NSMF: variants seen among roughly 807,000 people sequenced by gnomAD.
NSMF encodes nasal embryonic LHRH factor.
A neutral mutation model predicts 71.0 loss-of-function variants in NSMF; 31 were observed. The ratio of observed to expected loss-of-function variants is 0.44; its 90% CI spans 0.33 to 0.59. NSMF has a LOEUF of 0.59. NSMF is among the 20% of genes least tolerant of loss of function. The pLI is 0.04. For synonymous variants in NSMF, 345 were observed against 287.1 expected (o/e 1.20, Z -2.04); for missense variants, 673 against 740.5 (o/e 0.91, Z 1.06).
intron 13 of NSMF, 51 bp downstream of exon 13, chr9:137,450,125 C>T (rs766881455): frequency 1.1e-5 from 18 of 1,590,312 alleles, no homozygotes; most frequent in Non-Finnish European, 1.5e-5. Flanking sequence ...CATGCCAGGG[C>T]CTGGACTCTG....
chr9:137,449,641 A>G lies in NSMF; in HGVS notation c.1453T>C (p.Tyr485His). 6.2e-7 allele frequency: 1 copy of G among 1,612,644 alleles called. No individual in the cohort carries two copies. The highest frequency in any genetic ancestry group is 8.5e-7 in the Non-Finnish European group (1 of 1,179,754). ...FQNLRTLMTP[Y>H]RVTFESPLEL... ...AGGGGTGACTCGAAGGTGACCCTAT[A>G]AGGAGTCATGAGGGTCCTGAGGTTC... The change falls in exon 15 of 16, where the codon TAT (tyrosine) becomes CAT (histidine). Residue 485 changes from tyrosine (Y) to histidine (H), a missense_variant. Coordinates refer to ENST00000371475, the MANE Select transcript of NSMF (RefSeq NM_001130969.3).
intron 12 of NSMF, among the ~76,000 whole-genome samples, chr9:137,451,016 A>T (rs1423648101): frequency 1.5e-4 from 1 of 6,580 alleles, no homozygotes; most frequent in African/African-American, 1.1e-3. Flanking sequence ...GATCTCCCCC[A>T]CCACGTCTCT....
In NSMF at chr9:137,459,073, C is replaced by A; in HGVS notation, c.30G>T (p.Ala10=). 1 of 1,270,052 alleles carries A rather than the reference C, an allele frequency of 7.9e-7. No individual in the cohort carries two copies. Among genetic ancestry groups the A allele is most frequent in the South Asian group, 2.6e-5 (1 of 38,154 alleles). 78.7% of individuals were successfully genotyped at this position (1,270,052 alleles called of 1,614,324 possible). The change falls in exon 1 of 16, where the codon GCG becomes GCT. Residue 10 remains alanine (A), a synonymous_variant. Coordinates refer to ENST00000371475, the MANE Select transcript of NSMF (RefSeq NM_001130969.3). MGAAASRRR[A]LRSEAMSSVA... The stretch of plus-strand genomic sequence containing the variant: ...CCGAGGACATGGCCTCGCTCCTCAG[C>A]GCCCTCCTCCTGGAGGCGGCGGCGC...
At chr9:137,451,882 T>C (rs1223028768) in intron 12 of NSMF, among the ~76,000 whole-genome samples, 2 of 49,062 alleles carry the variant, frequency 4.1e-5, no homozygotes. Flanking sequence ...CTACACCTCT[T>C]CTCCTTGGTC....
At position 137,449,500 on chromosome 9, in the gene NSMF, A is replaced by G. The variant is rs200465164; in HGVS notation, c.1496-9T>C. 2,302 of 1,612,620 alleles carry G rather than the reference A, an allele frequency of 1.4e-3. 3 individuals carry two copies. The highest frequency in any genetic ancestry group is 1.5e-3 in the Non-Finnish European group (1,726 of 1,179,806). On this transcript the variant is annotated splice_polypyrimidine_tract_variant and intron_variant, in intron 15 of 15. Coordinates refer to ENST00000371475, the MANE Select transcript of NSMF (RefSeq NM_001130969.3). ...CTCGATCATCTGCTTCCCTGGGCGG[A>G]GCGGGGGCAGGAGGCTCAGGCCTGG...
At chr9:137,454,540 C>T (rs1441012523) in intron 6 of NSMF, 97 bp from the exon 7 acceptor site, 3 of 1,549,250 alleles carry the variant, frequency 1.9e-6, no homozygotes, top group Non-Finnish European at 2.6e-6. Context: ...ACTCTCACCC[C>T]TTCGGTGTGG....
intron 3 of NSMF, 60 bp downstream of exon 3, chr9:137,457,347 C>T (rs1014270960): frequency 6.2e-7 from 1 of 1,609,828 alleles, no homozygotes; most frequent in African/African-American, 1.3e-5. Flanking sequence ...CTGCTGCTGT[C>T]AGACCCTGGC....
At chr9:137,452,275 T>G (rs1158123390) in intron 12 of NSMF, 90 bp downstream of exon 12, 13 of 1,159,456 alleles carry the variant, frequency 1.1e-5, no homozygotes, top group Admixed American at 1.9e-5. Flanking sequence ...CTCTTCCCCT[T>G]GGTCTCCCCC....
chr9:137,449,275 C>G lies in NSMF; in HGVS notation c.*119G>C. 4.8e-6 allele frequency: 4 copies of G among 837,952 alleles called. No homozygotes were observed. The South Asian group carries it at 5.7e-5, about 12-fold the overall frequency. The allele number at this position is 837,952 out of a possible 1,614,324, so 51.9% of individuals were successfully genotyped here. A position where few individuals can be genotyped will look rare whatever the true frequency, so the allele number is the denominator to read the frequency against. ...GAACCTGAGCAACGTCTGAGGTGCCCTGAAGTGGCTCCAGGCGAGACCGGA... is the reference window on the plus strand; with the variant it reads ...GAACCTGAGCAACGTCTGAGGTGCCGTGAAGTGGCTCCAGGCGAGACCGGA... On this transcript the variant is annotated 3_prime_UTR_variant, in exon 16 of 16. Coordinates refer to ENST00000371475, the MANE Select transcript of NSMF (RefSeq NM_001130969.3).
In NSMF at chr9:137,449,635, C is replaced by T. The variant is rs201637915; in HGVS notation, c.1459G>A (p.Val487Ile). ...NLRTLMTPYR[V>I]TFESPLELSA... ...AGCTCCAGGGGTGACTCGAAGGTGA[C>T]CCTATAAGGAGTCATGAGGGTCCTG... Residue 487 changes from valine to isoleucine, a missense_variant, in exon 15 of 16, where the codon GTC (valine) becomes ATC (isoleucine). Coordinates refer to ENST00000371475, the MANE Select transcript of NSMF (RefSeq NM_001130969.3). The T allele has an allele frequency of 5.3e-5, 86 of 1,612,666 alleles. No individual in the cohort carries two copies. The highest frequency in any genetic ancestry group is 1.7e-4 in the Middle Eastern group (1 of 6,042).
chr9:137,459,092 G>A lies in NSMF; in HGVS notation c.11C>T (p.Ala4Val), dbSNP rs1831041445. Residue 4 changes from alanine to valine, a missense_variant, in exon 1 of 16, where the codon GCC becomes GTC. Physicochemically the swap from Ala to Val is moderately conservative, Grantham distance 64 (BLOSUM62 0). Coordinates refer to ENST00000371475, the MANE Select transcript of NSMF (RefSeq NM_001130969.3). The part of the protein sequence containing the change: MGA[A>V]ASRRRALRSE... ...CCTCAGCGCCCTCCTCCTGGAGGCG[G>A]CGGCGCCCATGGTCGAGGCGGCGGC... 7 of 1,254,016 alleles carry A rather than the reference G, an allele frequency of 5.6e-6. No homozygotes were observed. Among genetic ancestry groups the A allele is most frequent in the Non-Finnish European group, 5.0e-6 (5 of 995,640 alleles). 77.7% of individuals were successfully genotyped at this position (1,254,016 alleles called of 1,614,324 possible).
rs996797796 is a variant in NSMF, at chr9:137,449,310, T to C, written c.*84A>G. ...TCCAGGCGAGACCGGAGCCACACAG[T>C]CCCGGGGAGCACGAGGCGGCCCAGC... is the stretch of plus-strand genomic sequence containing the variant. On this transcript the variant is annotated 3_prime_UTR_variant, in exon 16 of 16. Transcript: ENST00000371475. The C allele has an allele frequency of 3.4e-6, 4 of 1,166,970 alleles. No homozygotes were observed. In the Admixed American group the frequency reaches 7.4e-5, roughly 22 times the overall value. 72.3% of individuals were successfully genotyped at this position (1,166,970 alleles called of 1,614,324 possible). A position where few individuals can be genotyped will look rare whatever the true frequency, so the allele number is the denominator to read the frequency against.
Position 137,453,943 on chromosome 9 carries a change from G to A in NSMF, c.833-123C>T, listed in dbSNP as rs964921448. ...GGAAGCTAATGTGGGTGGGGTCTAAGGCACATGAAGCAGACACGGACCAGA... is the reference window on the plus strand; with the variant it reads ...GGAAGCTAATGTGGGTGGGGTCTAAAGCACATGAAGCAGACACGGACCAGA... On this transcript the variant is annotated intron_variant, in intron 7 of 15. Coordinates refer to ENST00000371475, the MANE Select transcript of NSMF (RefSeq NM_001130969.3). This position sits in a 1 kb window ranked among gnomAD's most constrained non-coding sequence, Gnocchi z 4.5. The A allele has an allele frequency of 1.3e-6, 1 of 792,800 alleles. No individual in the cohort carries two copies. The allele number at this position is 792,800 out of a possible 1,614,324, so 49.1% of individuals were successfully genotyped here.
chr9:137,455,508 CGCAGAGAGCG>C, intron 5 of NSMF, 111 bp downstream of exon 5: 1 of 1,281,120 alleles, frequency 7.8e-7, no homozygotes, highest in Non-Finnish European at 1.1e-6. Context: ...GAGCCAGGCC[CGCAGAGAGCG>C]GCACTCCCTC....
At chr9:137,458,673 G>T in intron 1 of NSMF, 124 bp from the exon 2 acceptor site, 1 of 964,780 alleles carries the variant, frequency 1.0e-6, no homozygotes, top group Non-Finnish European at 1.6e-6. Flanking sequence ...GGTCGGGGTC[G>T]TCCCCCTCCG....
intron 6 of NSMF, chr9:137,454,955 A>G (rs1210481343): frequency 2.0e-5 from 14 of 698,028 alleles, no homozygotes; most frequent in Non-Finnish European, 3.1e-5. Flanking sequence ...CGGGCAAAAA[A>G]GCTTCCCAGA....
chr9:137,457,456 G>A lies in NSMF; in HGVS notation c.579C>T (p.Ser193=), dbSNP rs201993573. 6.5e-5 allele frequency: 105 copies of A among 1,612,710 alleles called. No homozygotes were observed. The highest frequency in any genetic ancestry group is 3.3e-4 in the Middle Eastern group (2 of 6,082). Residue 193 remains serine, a synonymous_variant, in exon 3 of 16, where the codon TCC becomes TCT. Transcript: ENST00000371475. ...TCCTCTCCAGCTTCTTGCGGCGACCGGAGGTCTCAGGCAGAGGTGGCTGGT... is the reference window on the plus strand; with the variant it reads ...TCCTCTCCAGCTTCTTGCGGCGACCAGAGGTCTCAGGCAGAGGTGGCTGGT... ...GLDQPPLPET[S]GRRKKLERMY...
rs758545461 is a variant in NSMF at position 137,453,715 on chromosome 9, T to G, written c.922+16A>C. 1.2e-5 allele frequency: 19 copies of G among 1,587,944 alleles called. No homozygotes were observed. The highest frequency in any genetic ancestry group is 1.5e-5 in the Non-Finnish European group (18 of 1,170,100). On this transcript the variant is annotated intron_variant, in intron 8 of 15. Coordinates refer to ENST00000371475, the MANE Select transcript of NSMF (RefSeq NM_001130969.3). This position sits in a 1 kb window ranked among gnomAD's most constrained non-coding sequence, Gnocchi z 4.5. ...AGGCTCTGGGGAAGGTGGGCGGGCC[T>G]GTGCGGGGCACCTACTGTCTCGGGA... is the stretch of plus-strand genomic sequence containing the variant.
rs1839723417 is a variant in NSMF, at chr9:137,448,636, G to A, written c.*758C>T. The A allele has an allele frequency of 1.3e-5, 2 of 154,086 alleles. No homozygotes were observed. Among genetic ancestry groups the A allele is most frequent in the South Asian group, 2.0e-4 (1 of 4,942 alleles). The allele number at this position is 154,086 out of a possible 1,614,324, so 9.5% of individuals were successfully genotyped here. A position where few individuals can be genotyped will look rare whatever the true frequency, so the allele number is the denominator to read the frequency against. ...AGCAATGAGAGTGCTGGGTGGGCTTGGGGGGATGGGGAGCAGGCCCCACCC... is the reference window on the plus strand; with the variant it reads ...AGCAATGAGAGTGCTGGGTGGGCTTAGGGGGATGGGGAGCAGGCCCCACCC... On this transcript the variant is annotated 3_prime_UTR_variant, in exon 16 of 16. Transcript: ENST00000371475. The surrounding 1 kb of genome is among the most constrained non-coding windows in gnomAD (Gnocchi z 5.3).
Sources: allele counts gnomAD v4.1 joint callset (sites outside exome capture counted in the v4.1 genomes callset), GRCh38; gene constraint gnomAD v4.1.1; non-coding constraint Gnocchi (gnomAD v3.1); transcripts MANE v1.5; gene names NCBI Gene and HGNC (gene_info 2026-07-23, HGNC 2026-07-21).